Variants in DIP2C observed in about 807,000 individuals in gnomAD.
The protein encoded by DIP2C is DIP2 acetate--CoA ligase C (putative).
Under a neutral mutation model 192.4 loss-of-function variants are expected in DIP2C, and 33 were observed. The ratio of observed to expected loss-of-function variants is 0.17; its 90% CI spans 0.13 to 0.23. DIP2C has a LOEUF of 0.23. Ranked by LOEUF, DIP2C falls within the 10% of genes least tolerant of loss-of-function variation. DIP2C has a pLI of 1.00. For missense variants in DIP2C, 1,537 were observed against 2,110.1 expected (o/e 0.73, Z 5.32); for synonymous variants, 979 against 864.1 (o/e 1.13, Z -2.33).
intron 1 of DIP2C, among the ~76,000 whole-genome samples, chr10:655,334 C>T (rs1333392661): frequency 1.3e-5 from 2 of 152,186 alleles, no homozygotes; most frequent in Non-Finnish European, 2.9e-5. Flanking sequence ...GACAAGAACC[C>T]GGACCCAGCT....
At chr10:372,738 G>C (rs1385259655) in intron 17 of DIP2C, among the ~76,000 whole-genome samples, 48 of 151,208 alleles carry the variant, frequency 3.2e-4, no homozygotes, top group Middle Eastern at 3.5e-3. Flanking sequence ...ACACAGGCGG[G>C]CACAGAAGCA....
intron 1 of DIP2C, among the ~76,000 whole-genome samples, chr10:612,370 A>G (rs569099403): frequency 7.2e-5 from 11 of 152,316 alleles, no homozygotes; most frequent in Admixed American, 7.2e-4. Context: ...AAATAATATG[A>G]AAGCATGTGT....
At chr10:324,044 G>GC (rs1309495207) in intron 31 of DIP2C, among the ~76,000 whole-genome samples, 1 of 152,074 alleles carries the variant, frequency 6.6e-6, no homozygotes, top group Non-Finnish European at 1.5e-5. Context: ...GCACGACTCC[G>GC]CCCTTTCACT....
chr10:454,261 T>C (rs1295250770), intron 3 of DIP2C, among the ~76,000 whole-genome samples: 1 of 152,164 alleles, frequency 6.6e-6, no homozygotes, highest in Non-Finnish European at 1.5e-5. Flanking sequence ...TAAATCACTA[T>C]TGCTAGTGAA....
chr10:374,339 C>T (rs1037515983), intron 17 of DIP2C, among the ~76,000 whole-genome samples: 1 of 152,120 alleles, frequency 6.6e-6, no homozygotes, highest in Non-Finnish European at 1.5e-5. Flanking sequence ...ACTTTGCATT[C>T]CCACTAACAG....
At chr10:540,589 A>G (rs1411021980) in intron 1 of DIP2C, among the ~76,000 whole-genome samples, 1 of 152,248 alleles carries the variant, frequency 6.6e-6, no homozygotes, top group Non-Finnish European at 1.5e-5. Context: ...AGTGTTTGGT[A>G]GACCAAGTTT....
intron 31 of DIP2C, among the ~76,000 whole-genome samples, chr10:326,479 G>C (rs1325674019): frequency 6.6e-6 from 1 of 152,208 alleles, no homozygotes; most frequent in African/African-American, 2.4e-5. Flanking sequence ...TTCCAGGAAG[G>C]AAATCCGCAG....
chr10:662,721 G>T (rs1443678852), intron 1 of DIP2C: 4 of 584,054 alleles, frequency 6.8e-6, no homozygotes, highest in African/African-American at 3.7e-5. Context: ...TACAATGTTT[G>T]AGGAAATAAT....
chr10:354,764 G>A (rs576880528), intron 24 of DIP2C, among the ~76,000 whole-genome samples: 13 of 152,172 alleles, frequency 8.5e-5, no homozygotes, highest in African/African-American at 2.6e-4. Flanking sequence ...CTGGGGTGCC[G>A]AAGGAGGCTG....
chr10:280,461 A>G (rs3123237), intron 36 of DIP2C, among the ~76,000 whole-genome samples: 150,706 of 152,294 alleles, frequency 0.99, 74,588 homozygotes, highest in Middle Eastern at 1. Context: ...CTTTTCATCC[A>G]AACTGCCAAT....
At chr10:536,185 C>T (rs573978325) in intron 1 of DIP2C, among the ~76,000 whole-genome samples, 2 of 152,348 alleles carry the variant, frequency 1.3e-5, no homozygotes, top group South Asian at 4.1e-4. Flanking sequence ...GCTCAGGCGT[C>T]CCTCAGCTTG....
intron 8 of DIP2C, among the ~76,000 whole-genome samples, chr10:411,693 C>G (rs1484932661): frequency 1.3e-5 from 2 of 151,804 alleles, no homozygotes; most frequent in East Asian, 4.0e-4. Flanking sequence ...CATTCGATAC[C>G]AAATTACTCA....
intron 3 of DIP2C, among the ~76,000 whole-genome samples, chr10:451,286 C>T (rs977290055): frequency 7.1e-6 from 1 of 141,022 alleles, no homozygotes; most frequent in African/African-American, 3.3e-5. Flanking sequence ...CAAACCACCA[C>T]CTCAAACCTC....
chr10:405,611 T>C (rs745941313), intron 9 of DIP2C, among the ~76,000 whole-genome samples: 8 of 152,208 alleles, frequency 5.3e-5, no homozygotes, highest in Admixed American at 1.3e-4. Context: ...GCTACCTCCA[T>C]AGTGATCCCA....
chr10:598,578 G>C (rs752511), intron 1 of DIP2C, among the ~76,000 whole-genome samples: 1 of 150,186 alleles, frequency 6.7e-6, no homozygotes. Flanking sequence ...TGCTCCTCAC[G>C]CCACCCCTCC....
chr10:597,473 G>C (rs542272265), intron 1 of DIP2C, among the ~76,000 whole-genome samples: 72 of 152,338 alleles, frequency 4.7e-4, no homozygotes, highest in African/African-American at 1.6e-3. Flanking sequence ...TAGGTGGAAA[G>C]GTGAATGGAG....
rs149959075 is a variant in DIP2C at position 373,104 on chromosome 10, G to A, written c.1992-3471C>T. On this transcript the variant is annotated intron_variant, in intron 17 of 36. Transcript: ENST00000280886. Reference sequence around the variant, plus strand: ...ACTGCCCAAGTGGGTGGTGGGGCTCGGCAGGACTCAGACCCAGAGCATAGC... The same window carrying A: ...ACTGCCCAAGTGGGTGGTGGGGCTCAGCAGGACTCAGACCCAGAGCATAGC... Among the ~76,000 whole-genome samples, 180 of 152,290 alleles carry A rather than the reference G, an allele frequency of 1.2e-3. No homozygotes were observed. In the East Asian group the frequency reaches 0.013, roughly 11 times the overall value.
intron 1 of DIP2C, among the ~76,000 whole-genome samples, chr10:501,359 T>C (rs1342951230): frequency 2.0e-5 from 3 of 152,214 alleles, no homozygotes; most frequent in Non-Finnish European, 4.4e-5. Context: ...GTAGAATGTA[T>C]GCAGTCCTAT....
intron 31 of DIP2C, among the ~76,000 whole-genome samples, chr10:325,384 ACT>A (rs1957230557): frequency 6.6e-6 from 1 of 152,096 alleles, no homozygotes; most frequent in Non-Finnish European, 1.5e-5. Context: ...CACACGCTGA[ACT>A]CTGTCACCTG....
Sources: gnomAD v4.1 joint callset for allele counts (sites outside exome capture counted in the v4.1 genomes callset) on GRCh38, gnomAD v4.1.1 for gene constraint, MANE v1.5 for transcripts, NCBI Gene and HGNC (gene_info 2026-07-23, HGNC 2026-07-21) for gene names.